The following PARD3B variants were observed in gnomAD, a reference collection of about 807,000 sequenced individuals.
PARD3B encodes the protein partitioning defective 3 homolog B.
In PARD3B, 103 loss-of-function variants were observed where a neutral mutation model predicts 130.2. That is an observed-to-expected ratio of 0.79 (90% CI 0.67 to 0.93). The LOEUF is 0.93. Among genes scored for constraint, PARD3B ranks in the 40% least tolerant of loss-of-function variants. The pLI is 0.00. For synonymous variants in PARD3B, 583 were observed against 553.2 expected, an observed-to-expected ratio of 1.05 and a Z score of -0.76; for missense variants, 1,609 against 1,499.2, an observed-to-expected ratio of 1.07 and a Z score of -1.21.
In PARD3B at chr2:205,558,664, G is replaced by C. The variant is rs1018485361; in HGVS notation, c.3260+5261G>C. On this transcript the variant is annotated intron_variant, in intron 22 of 22. Coordinates refer to ENST00000406610, the MANE Select transcript of PARD3B (RefSeq NM_001302769.2). The surrounding 1 kb of genome is among the most constrained non-coding windows in gnomAD (Gnocchi z 4.8). Reference sequence around the variant, plus strand: ...TGCTTCCCGCCTTTTGCTCCACATGGATTCTCTCTGTGCCGTCTCCTCCAT... The same window carrying C: ...TGCTTCCCGCCTTTTGCTCCACATGCATTCTCTCTGTGCCGTCTCCTCCAT... 3.3e-5 allele frequency among the ~76,000 whole-genome samples: 5 copies of C among 152,046 alleles called. No individual in the cohort carries two copies. The highest frequency in any genetic ancestry group is 1.2e-4 in the African/African-American group (5 of 41,390).
chr2:205,077,793 T>C (rs56026527), intron 4 of PARD3B, among the ~76,000 whole-genome samples: 1 of 152,172 alleles, frequency 6.6e-6, no homozygotes, highest in African/African-American at 2.4e-5. Context: ...ATAGCACTTA[T>C]TTAAAAGAGA....
rs1409134656 is a variant in PARD3B, at chr2:205,122,166, A to C, written c.1165+217A>C. Among the ~76,000 whole-genome samples the C allele has an allele frequency of 6.6e-6, 1 of 152,176 alleles. No individual in the cohort carries two copies. Among genetic ancestry groups the C allele is most frequent in the Admixed American group, 6.5e-5 (1 of 15,276 alleles). Reference sequence around the variant, plus strand: ...GATTATTTTAAACAAGAAAATAATAAAGACATGTTGGGAAGTGGAAAGAAT... The same window carrying C: ...GATTATTTTAAACAAGAAAATAATACAGACATGTTGGGAAGTGGAAAGAAT... On this transcript the variant is annotated intron_variant, in intron 8 of 22. Transcript: ENST00000406610. This position sits in a 1 kb window ranked among gnomAD's most constrained non-coding sequence, Gnocchi z 4.3.
intron 2 of PARD3B, among the ~76,000 whole-genome samples, chr2:204,731,363 C>T (rs1234619346): frequency 6.6e-6 from 1 of 152,112 alleles, no homozygotes; most frequent in African/African-American, 2.4e-5. Flanking sequence ...ACCTGTGTTC[C>T]TTTATTATCT....
intron 15 of PARD3B, among the ~76,000 whole-genome samples, chr2:205,212,323 G>A (rs1574406062): frequency 6.6e-6 from 1 of 152,064 alleles, no homozygotes; most frequent in South Asian, 2.1e-4. Context: ...TGTTTTGTAC[G>A]TTTCCAGGCT....
chr2:204,656,622 C>T (rs1161642451), intron 1 of PARD3B, among the ~76,000 whole-genome samples: 1 of 152,162 alleles, frequency 6.6e-6, no homozygotes, highest in Non-Finnish European at 1.5e-5. Context: ...CTCAGATCTC[C>T]TCTTTTCATG....
chr2:205,197,478 T>C lies in PARD3B; in HGVS notation c.2140+4158T>C, dbSNP rs535290154. 3.3e-5 allele frequency among the ~76,000 whole-genome samples: 5 copies of C among 152,244 alleles called. No homozygotes were observed. The South Asian group carries it at 1.0e-3, about 32-fold the overall frequency. ...ATGCTCTAAAATGTAGGTGTACAAC[T>C]CTGATAACAATTTTACTCAGTGTCA... On this transcript the variant is annotated intron_variant, in intron 15 of 22. Coordinates refer to ENST00000406610, the MANE Select transcript of PARD3B (RefSeq NM_001302769.2).
chr2:205,193,503 CT>C (rs2036506191), intron 15 of PARD3B, among the ~76,000 whole-genome samples, 183 bp downstream of exon 15: 1 of 152,218 alleles, frequency 6.6e-6, no homozygotes, highest in South Asian at 2.1e-4. Context: ...TAATTACCCA[CT>C]TTGTGAAACA....
intron 4 of PARD3B, among the ~76,000 whole-genome samples, chr2:205,058,344 A>G (rs915243299): frequency 6.6e-6 from 1 of 151,900 alleles, no homozygotes; most frequent in African/African-American, 2.4e-5. Context: ...TCATCTCTTG[A>G]TGGACACTTG....
intron 2 of PARD3B, among the ~76,000 whole-genome samples, chr2:204,775,066 A>C (rs1400149167): frequency 6.6e-6 from 1 of 152,124 alleles, no homozygotes; most frequent in African/African-American, 2.4e-5. Flanking sequence ...CTATTACCCA[A>C]ATGTCTGGAT....
At chr2:204,698,161 G>C (rs546750334) in intron 2 of PARD3B, among the ~76,000 whole-genome samples, 7 of 152,166 alleles carry the variant, frequency 4.6e-5, no homozygotes, top group African/African-American at 1.4e-4. Flanking sequence ...TGTTTCCATT[G>C]CGTTTTTCTG....
chr2:205,373,585 T>C, intron 18 of PARD3B, among the ~76,000 whole-genome samples: 1 of 152,164 alleles, frequency 6.6e-6, no homozygotes, highest in East Asian at 1.9e-4. Context: ...ATAGTTGAAG[T>C]TTATTAGTAA....
chr2:205,598,840 A>AT (rs1393884050), intron 22 of PARD3B, among the ~76,000 whole-genome samples: 1 of 152,350 alleles, frequency 6.6e-6, no homozygotes, highest in East Asian at 1.9e-4. Flanking sequence ...TTACATGGAA[A>AT]TTAAACAACT....
chr2:205,431,650 T>C (rs963910647), intron 19 of PARD3B, among the ~76,000 whole-genome samples: 3 of 151,874 alleles, frequency 2.0e-5, no homozygotes, highest in African/African-American at 4.8e-5. Context: ...TTTGTATTTT[T>C]AGTAGAGACG....
At chr2:205,119,748 C>T (rs1479250642) in intron 7 of PARD3B, among the ~76,000 whole-genome samples, 1 of 152,096 alleles carries the variant, frequency 6.6e-6, no homozygotes, top group African/African-American at 2.4e-5. Context: ...CGCCTTTGCA[C>T]TCCACCCTGG....
intron 22 of PARD3B, among the ~76,000 whole-genome samples, chr2:205,556,139 T>A (rs1271043541): frequency 6.6e-6 from 1 of 152,124 alleles, no homozygotes; most frequent in African/African-American, 2.4e-5. Context: ...GGATCCCTCT[T>A]CATCACAGAG....
rs530015369 is a variant in PARD3B, at chr2:205,315,432, G to T, written c.2630+13731G>T. Reference sequence around the variant, plus strand: ...GCCTTGGGAGCCGAGATGTTTCCCAGTTACCTAGTGGTTCTCAAAGTCTGT... The same window carrying T: ...GCCTTGGGAGCCGAGATGTTTCCCATTTACCTAGTGGTTCTCAAAGTCTGT... On this transcript the variant is annotated intron_variant, in intron 18 of 22. Coordinates refer to ENST00000406610, the MANE Select transcript of PARD3B (RefSeq NM_001302769.2). Among the ~76,000 whole-genome samples, 8 of 152,258 alleles carry T rather than the reference G, an allele frequency of 5.3e-5. No individual in the cohort carries two copies. The East Asian group carries it at 1.4e-3, about 26-fold the overall frequency.
At chr2:204,826,759 C>A (rs2043594602) in intron 2 of PARD3B, among the ~76,000 whole-genome samples, 2 of 152,114 alleles carry the variant, frequency 1.3e-5, no homozygotes, top group Admixed American at 1.3e-4. Context: ...GTGGCTCATG[C>A]TTGTAATCCA....
chr2:205,343,282 T>TC (rs2043611490), intron 18 of PARD3B, among the ~76,000 whole-genome samples: 1 of 152,134 alleles, frequency 6.6e-6, no homozygotes, highest in African/African-American at 2.4e-5. Flanking sequence ...TCTGGCACCT[T>TC]CCCCAGCTTT....
chr2:204,570,841 C>T (rs111988978), intron 1 of PARD3B, among the ~76,000 whole-genome samples: 4,858 of 105,308 alleles, frequency 0.046, 139 homozygotes, highest in African/African-American at 0.14. Flanking sequence ...TAAGCTGTTG[C>T]AACTGAGGTG....
Sources: gnomAD v4.1 joint callset for allele counts (sites outside exome capture counted in the v4.1 genomes callset) on GRCh38, gnomAD v4.1.1 for gene constraint, Gnocchi (gnomAD v3.1) non-coding constraint, MANE v1.5 for transcripts, NCBI Gene and HGNC (gene_info 2026-07-23, HGNC 2026-07-21) for gene names.